UBTF: variants seen among roughly 807,000 people sequenced by gnomAD.
The protein encoded by UBTF is nucleolar transcription factor 1.
A neutral mutation model predicts 112.3 loss-of-function variants in UBTF; 8 were observed. The ratio of observed to expected loss-of-function variants is 0.07; its 90% CI spans 0.04 to 0.13. The LOEUF (loss-of-function observed/expected upper bound fraction) is 0.13. Among genes scored for constraint, UBTF ranks in the 10% least tolerant of loss-of-function variants. The pLI is 1.00. For synonymous variants in UBTF, 417 were observed against 373.1 expected (o/e 1.12, Z -1.36); for missense variants, 457 against 982.1 (o/e 0.47, Z 7.15).
chr17:44,219,632 G>T lies in UBTF; in HGVS notation c.-255C>A, dbSNP rs868785622. On this transcript the variant is annotated 5_prime_UTR_variant, in exon 1 of 21. Coordinates refer to ENST00000436088, the MANE Select transcript of UBTF (RefSeq NM_014233.4). ...CTGCTGTGGCGGCGGCGGCGGCGGCGGCGGCTGTGGCTGCTGCCTGCTGCT... is the reference window on the plus strand; with the variant it reads ...CTGCTGTGGCGGCGGCGGCGGCGGCTGCGGCTGTGGCTGCTGCCTGCTGCT... 1.1e-4 allele frequency: 10 copies of T among 93,754 alleles called. No homozygotes were observed. The South Asian group carries it at 2.4e-3, about 23-fold the overall frequency. The allele number at this position is 93,754 out of a possible 1,614,324, so 5.8% of individuals were successfully genotyped here.
chr17:44,217,584 T>C (rs903364447), intron 2 of UBTF, among the ~76,000 whole-genome samples: 4 of 152,130 alleles, frequency 2.6e-5, no homozygotes, highest in African/African-American at 9.7e-5. Context: ...GGGCCAGAGA[T>C]TCTGCAGAAT....
rs557415631 is a variant in UBTF, at chr17:44,216,772, T to G, written c.59-68A>C. 12 of 1,528,360 alleles carry G rather than the reference T, an allele frequency of 7.9e-6. No homozygotes were observed. The Admixed American group carries it at 1.7e-4, about 21-fold the overall frequency. 94.7% of individuals were successfully genotyped at this position (1,528,360 alleles called of 1,614,324 possible). A position where few individuals can be genotyped will look rare whatever the true frequency, so the allele number is the denominator to read the frequency against. ...TCCCCCCGATCTGTTCCCCAGTTCT[T>G]GAGTGCTCAACTCTTCCTCCCTAGG... is the stretch of plus-strand genomic sequence containing the variant. On this transcript the variant is annotated intron_variant, in intron 2 of 20. Coordinates refer to ENST00000436088, the MANE Select transcript of UBTF (RefSeq NM_014233.4).
In UBTF at chr17:44,205,613, G is replaced by A. The variant is rs1421552284; in HGVS notation, c.*1629C>T. 6.6e-6 allele frequency: 1 copy of A among 152,176 alleles called. No homozygotes were observed. The highest frequency in any genetic ancestry group is 1.5e-5 in the Non-Finnish European group (1 of 68,046). 9.4% of individuals were successfully genotyped at this position (152,176 alleles called of 1,614,324 possible). A position where few individuals can be genotyped will look rare whatever the true frequency, so the allele number is the denominator to read the frequency against. On this transcript the variant is annotated 3_prime_UTR_variant, in exon 21 of 21. Transcript: ENST00000436088. The stretch of plus-strand genomic sequence containing the variant: ...AGACTGTCTGCCTTCCTTTGGGAGA[G>A]GGACCCACCAGCCTCTCTGGGACCA...
At chr17:44,218,380 GCAGGTCCACAC>G in intron 1 of UBTF, 84 bp from the exon 2 acceptor site, 3 of 748,618 alleles carry the variant, frequency 4.0e-6, no homozygotes, top group Non-Finnish European at 6.7e-6. Flanking sequence ...GTAGAAGGGG[GCAGGTCCACAC>G]TCTGAGAGAC....
At chr17:44,218,052 C>T in intron 2 of UBTF, 120 bp downstream of exon 2, 3 of 1,000,768 alleles carry the variant, frequency 3.0e-6, no homozygotes, top group Non-Finnish European at 4.6e-6. Context: ...ATACTCAAGG[C>T]ACTTTCTCCC....
upstream of UBTF, among the ~76,000 whole-genome samples, chr17:44,220,580 G>A (rs1232123218): frequency 6.6e-6 from 1 of 152,082 alleles, no homozygotes; most frequent in African/African-American, 2.4e-5. Flanking sequence ...CCCGGAAACG[G>A]CAAGGGAACG....
chr17:44,217,213 C>T (rs2046889585), intron 2 of UBTF, among the ~76,000 whole-genome samples: 1 of 152,182 alleles, frequency 6.6e-6, no homozygotes, highest in Admixed American at 6.5e-5. Flanking sequence ...TCCTGCACAG[C>T]TGGAAACCAA....
Position 44,207,039 on chromosome 17 carries a change from CTGA to C in UBTF, c.*200_*202del, listed in dbSNP as rs1208736308. The stretch of plus-strand genomic sequence containing the variant: ...GTCCCTGGAGGAGGACCCCCAAGGG[CTGA>C]TGTCTCTGAGGCTGCAGAGTCCTGG... On this transcript the variant is annotated 3_prime_UTR_variant, in exon 21 of 21. Coordinates refer to ENST00000436088, the MANE Select transcript of UBTF (RefSeq NM_014233.4). 1.6e-6 allele frequency: 1 copy of C among 616,966 alleles called. No homozygotes were observed. Among genetic ancestry groups the C allele is most frequent in the East Asian group, 2.8e-5 (1 of 35,762 alleles). The allele number at this position is 616,966 out of a possible 1,614,324, so 38.2% of individuals were successfully genotyped here.
chr17:44,214,921 C>T (rs989081762), intron 5 of UBTF, among the ~76,000 whole-genome samples: 82 of 152,286 alleles, frequency 5.4e-4, no homozygotes, highest in Non-Finnish European at 1.1e-3. Flanking sequence ...CAGGCTCCTC[C>T]AATGTTTTGC....
rs1235014687 is a variant in UBTF, at chr17:44,205,713, AG to A, written c.*1528del. On this transcript the variant is annotated 3_prime_UTR_variant, in exon 21 of 21. Coordinates refer to ENST00000436088, the MANE Select transcript of UBTF (RefSeq NM_014233.4). ...CCCCCATTCCTTGGCTTTCATTCAG[AG>A]GGGGAAGGTGGAAAAGCACCAAGCC... is the stretch of plus-strand genomic sequence containing the variant. The A allele has an allele frequency of 2.0e-5, 3 of 152,226 alleles. No individual in the cohort carries two copies. The highest frequency in any genetic ancestry group is 7.2e-5 in the African/African-American group (3 of 41,452). 9.4% of individuals were successfully genotyped at this position (152,226 alleles called of 1,614,324 possible).
intron 4 of UBTF, 46 bp downstream of exon 4, chr17:44,215,860 G>A (rs772257689): frequency 6.2e-7 from 1 of 1,614,026 alleles, no homozygotes; most frequent in South Asian, 1.1e-5. Context: ...CCCTTCTTTG[G>A]ACCTTTCCTC....
chr17:44,209,113 G>GGCC, intron 17 of UBTF: 1 of 294,822 alleles, frequency 3.4e-6, no homozygotes, highest in South Asian at 8.8e-5. Flanking sequence ...AGGTTGCAGT[G>GGCC]AGCCGAGACT....
Position 44,211,923 on chromosome 17 carries a change from G to A in UBTF, c.855C>T (p.Ala285=), listed in dbSNP as rs376252798. 13 of 1,613,890 alleles carry A rather than the reference G, an allele frequency of 8.1e-6. No homozygotes were observed. Among genetic ancestry groups the A allele is most frequent in the Admixed American group, 3.3e-5 (2 of 60,004 alleles). ...EGITKSTLTK[A]ERQLKDKFDG... is the part of the protein sequence containing the mutation. The stretch of plus-strand genomic sequence containing the variant: ...CAAACTTGTCCTTGAGCTGGCGTTC[G>A]GCCTTGGTGAGGGTGGACTTGGTGA... The change falls in exon 9 of 21, where the codon GCC becomes GCT. Residue 285 remains alanine, a synonymous_variant. Coordinates refer to ENST00000436088, the MANE Select transcript of UBTF (RefSeq NM_014233.4). This position sits in a 1 kb window ranked among gnomAD's most constrained non-coding sequence, Gnocchi z 4.9.
Position 44,215,798 on chromosome 17 carries a change from G to C in UBTF, c.330C>G (p.Asp110Glu). Reference protein sequence around the residue: ...YKGKKLKKHPDFPKKPLTPYF... With the variant: ...YKGKKLKKHPEFPKKPLTPYF... ...AAGGGGTCAGGGGCTTCTTTGGGAA[G>C]TCTGGGTGTTTCTGGAAGAAGGGAC... Residue 110 changes from aspartate (D) to glutamate (E), a missense_variant, in exon 5 of 21, where the codon GAC becomes GAG. Coordinates refer to ENST00000436088, the MANE Select transcript of UBTF (RefSeq NM_014233.4). The C allele has an allele frequency of 3.1e-6, 5 of 1,614,182 alleles. No homozygotes were observed. The highest frequency in any genetic ancestry group is 4.2e-6 in the Non-Finnish European group (5 of 1,180,022).
Position 44,205,718 on chromosome 17 carries a change from GAAGGTGGAA to G in UBTF, c.*1515_*1523del, listed in dbSNP as rs1370997890. On this transcript the variant is annotated 3_prime_UTR_variant, in exon 21 of 21. Coordinates refer to ENST00000436088, the MANE Select transcript of UBTF (RefSeq NM_014233.4). ...ATTCCTTGGCTTTCATTCAGAGGGG[GAAGGTGGAA>G]AAGCACCAAGCCCCAATTTAATAGG... 3.3e-5 allele frequency: 5 copies of G among 152,214 alleles called. No homozygotes were observed. Among genetic ancestry groups the G allele is most frequent in the Admixed American group, 3.3e-4 (5 of 15,282 alleles). The allele number at this position is 152,214 out of a possible 1,614,324, so 9.4% of individuals were successfully genotyped here.
rs1164874790 is a variant in UBTF at position 44,211,022 on chromosome 17, C to T, written c.1203+17G>A. 1 of 1,606,470 alleles carries T rather than the reference C, an allele frequency of 6.2e-7. No individual in the cohort carries two copies. Reference sequence around the variant, plus strand: ...GTCTTGCCCACCCCCGCCTGCGCGGCCGCACCCTCTGCCCACCTTGCCCCC... The same window carrying T: ...GTCTTGCCCACCCCCGCCTGCGCGGTCGCACCCTCTGCCCACCTTGCCCCC... On this transcript the variant is annotated intron_variant, in intron 12 of 20. Transcript: ENST00000436088. This position sits in a 1 kb window ranked among gnomAD's most constrained non-coding sequence, Gnocchi z 4.9.
upstream of UBTF, among the ~76,000 whole-genome samples, chr17:44,219,916 C>T (rs1346070856): frequency 6.6e-6 from 1 of 151,306 alleles, no homozygotes; most frequent in African/African-American, 2.4e-5. Flanking sequence ...GCTCCGCTCC[C>T]TCCCACAGCC....
chr17:44,210,724 C>T, intron 13 of UBTF, 68 bp downstream of exon 13: 3 of 1,537,756 alleles, frequency 2.0e-6, no homozygotes, highest in South Asian at 1.2e-5. Context: ...GGTGGCACGG[C>T]CCGCCAAGGG....
At chr17:44,208,149 C>G (rs1161459552) in intron 17 of UBTF, among the ~76,000 whole-genome samples, 2 of 141,226 alleles carry the variant, frequency 1.4e-5, no homozygotes, top group Admixed American at 1.5e-4. Context: ...GTCACCCAGG[C>G]TGGAGTGCAG....
Sources: allele counts gnomAD v4.1 joint callset (sites outside exome capture counted in the v4.1 genomes callset), GRCh38; gene constraint gnomAD v4.1.1; non-coding constraint Gnocchi (gnomAD v3.1); transcripts MANE v1.5; gene names NCBI Gene and HGNC (gene_info 2026-07-23, HGNC 2026-07-21).